Variants in MECR observed in about 807,000 individuals in gnomAD.
The protein encoded by MECR is enoyl-[acyl-carrier-protein] reductase, mitochondrial.
Under a neutral mutation model 49.1 loss-of-function variants are expected in MECR, and 37 were observed. The observed-to-expected ratio is 0.75, with a 90% CI of 0.58 to 0.99. The LOEUF (loss-of-function observed/expected upper bound fraction) is 0.99, where lower values mean the gene tolerates loss of function less well. Ranked by LOEUF, MECR falls within the 50% of genes least tolerant of loss-of-function variation. The pLI is 0.00. For synonymous variants in MECR, 198 were observed against 191.1 expected (o/e 1.04, Z -0.30); for missense variants, 470 against 479.6 (o/e 0.98, Z 0.19).
the MECR span, among the ~76,000 whole-genome samples, chr1:29,174,457 G>A: frequency 6.6e-6 from 1 of 152,080 alleles, no homozygotes; most frequent in South Asian, 2.1e-4. Flanking sequence ...TTGCAACATG[G>A]TTCTGATTAT....
At chr1:29,194,265 C>CT in intron 9 of MECR, 86 bp from the exon 10 acceptor site, 1 of 1,422,570 alleles carries the variant, frequency 7.0e-7, no homozygotes, top group Non-Finnish European at 9.5e-7. Context: ...TGGGCAGGAG[C>CT]TGGCACCAAG....
the MECR span, among the ~76,000 whole-genome samples, chr1:29,175,595 T>C: frequency 2.8e-5 from 4 of 140,510 alleles, no homozygotes; most frequent in African/African-American, 1.1e-4. Flanking sequence ...CTTGAGAGGC[T>C]GAGGCAGGAG....
intron 1 of MECR, 139 bp from the exon 2 acceptor site, chr1:29,216,824 G>C: frequency 6.7e-7 from 1 of 1,503,332 alleles, no homozygotes; most frequent in Non-Finnish European, 8.9e-7. Context: ...TGTTATAAAA[G>C]AGAGGTACCA....
the MECR span, chr1:29,181,916 G>A: frequency 2.2e-6 from 1 of 464,718 alleles, no homozygotes; most frequent in Non-Finnish European, 3.6e-6. Flanking sequence ...GCGAGCGCGC[G>A]CTTCCACTTC....
chr1:29,201,852 TG>T lies in MECR; in HGVS notation c.756+90del. 8.9e-7 allele frequency: 1 copy of T among 1,119,598 alleles called. No individual in the cohort carries two copies. Among genetic ancestry groups the T allele is most frequent in the Non-Finnish European group, 1.3e-6 (1 of 741,112 alleles). 69.4% of individuals were successfully genotyped at this position (1,119,598 alleles called of 1,614,324 possible). ...AAGGGAGGTTTCCAGAGAGGAACAA[TG>T]GGGCCAGTCCCCAGTTTCTCTAATG... On this transcript the variant is annotated intron_variant, in intron 6 of 9. Coordinates refer to ENST00000263702, the MANE Select transcript of MECR (RefSeq NM_016011.5). This position sits in a 1 kb window ranked among gnomAD's most constrained non-coding sequence, Gnocchi z 4.3.
the MECR span, among the ~76,000 whole-genome samples, chr1:29,187,250 G>T: frequency 6.6e-6 from 1 of 152,160 alleles, no homozygotes; most frequent in African/African-American, 2.4e-5. Flanking sequence ...GTCTCACTCT[G>T]TTGCCCAGGC....
chr1:29,191,954 T>G (rs1170674944), downstream of MECR, among the ~76,000 whole-genome samples: 2 of 151,992 alleles, frequency 1.3e-5, no homozygotes, highest in Admixed American at 1.3e-4. Context: ...TAGCCAGGTG[T>G]GGTGGCATAC....
chr1:29,210,011 AC>A (rs1677569696), intron 3 of MECR, among the ~76,000 whole-genome samples: 1 of 124,126 alleles, frequency 8.1e-6, no homozygotes, highest in Non-Finnish European at 1.7e-5. Flanking sequence ...AGGCAGGAAC[AC>A]TTTTTTTTTT....
chr1:29,207,044 T>C, intron 3 of MECR, 139 bp from the exon 4 acceptor site: 1 of 878,890 alleles, frequency 1.1e-6, no homozygotes, highest in Non-Finnish European at 1.7e-6. Flanking sequence ...TCCAGGATGT[T>C]TAGAAAAAGA....
the MECR span, among the ~76,000 whole-genome samples, chr1:29,187,322 C>T: frequency 6.6e-6 from 1 of 151,886 alleles, no homozygotes; most frequent in Non-Finnish European, 1.5e-5. Context: ...AAGCGATTCT[C>T]GTGCCTCAGC....
At chr1:29,187,492 G>A in the MECR span, among the ~76,000 whole-genome samples, 1 of 151,888 alleles carries the variant, frequency 6.6e-6, no homozygotes, top group Admixed American at 6.6e-5. Context: ...TTACGGGCGT[G>A]AGCCACCATG....
Position 29,215,925 on chromosome 1 carries a change from G to C in MECR, c.406+80C>G, listed in dbSNP as rs1255498525. ...ACCCTGCATTACCCAGGTACACTCGGCCAATCAGTGGATGCCGACAGAGTG... is the reference window on the plus strand; with the variant it reads ...ACCCTGCATTACCCAGGTACACTCGCCCAATCAGTGGATGCCGACAGAGTG... On this transcript the variant is annotated intron_variant, in intron 3 of 9. Transcript: ENST00000263702. 1.6e-5 allele frequency: 25 copies of C among 1,537,124 alleles called. No homozygotes were observed. In the South Asian group the frequency reaches 2.9e-4, roughly 18 times the overall value.
At chr1:29,214,712 C>G (rs1341426407) in intron 3 of MECR, among the ~76,000 whole-genome samples, 1 of 152,096 alleles carries the variant, frequency 6.6e-6, no homozygotes, top group African/African-American at 2.4e-5. Flanking sequence ...AAGTTACAAC[C>G]CAGAAGATCA....
rs377448817 is a variant in MECR at position 29,203,132 on chromosome 1, T to G, written c.652A>C (p.Arg218=). 3.1e-5 allele frequency: 49 copies of G among 1,571,136 alleles called. No individual in the cohort carries two copies. The African/African-American group carries it at 5.7e-4, about 18-fold the overall frequency. The change falls in exon 5 of 10, where the codon AGA becomes CGA. Residue 218 remains arginine (R), a splice_region_variant and synonymous_variant. Coordinates refer to ENST00000263702, the MANE Select transcript of MECR (RefSeq NM_016011.5). ...GATGAAGCCTCCTTCCCCACGCACC[T>G]GTCTCGGACCACATTGATGGTTCTT... ...GLRTINVVRD[R]PDIQKLSDRL...
chr1:29,230,516 A>G, intron 1 of MECR: 1 of 559,140 alleles, frequency 1.8e-6, no homozygotes, highest in Non-Finnish European at 3.1e-6. Flanking sequence ...ATCAATAAAC[A>G]TCAGCCATTA....
the MECR span, among the ~76,000 whole-genome samples, chr1:29,177,432 C>G: frequency 6.6e-6 from 1 of 152,104 alleles, no homozygotes; most frequent in African/African-American, 2.4e-5. Flanking sequence ...CAGGCATGTG[C>G]CACGACGCCC....
the MECR span, chr1:29,181,589 C>T: frequency 7.0e-7 from 1 of 1,436,982 alleles, no homozygotes; most frequent in Admixed American, 2.1e-5. Flanking sequence ...CCCGCGGCCT[C>T]CCCACCACCT....
chr1:29,171,406 G>A, the MECR span: 1 of 147,604 alleles, frequency 6.8e-6, no homozygotes, highest in Non-Finnish European at 1.5e-5. Flanking sequence ...ATGCCCACAT[G>A]TATCTAGTAT....
the MECR span, chr1:29,172,744 G>A: frequency 6.6e-6 from 1 of 152,232 alleles, no homozygotes; most frequent in African/African-American, 2.4e-5. Context: ...CTCCTGCTGT[G>A]ACACATGAAT....
Sources: gnomAD v4.1 joint callset for allele counts (sites outside exome capture counted in the v4.1 genomes callset) on GRCh38, gnomAD v4.1.1 for gene constraint, Gnocchi (gnomAD v3.1) non-coding constraint, MANE v1.5 for transcripts, NCBI Gene and HGNC (gene_info 2026-07-23, HGNC 2026-07-21) for gene names.